CHST8: variants seen among roughly 807,000 people sequenced by gnomAD.
CHST8 encodes the protein GALNAC-4-ST1.
In CHST8, 10 loss-of-function variants were observed where a neutral mutation model predicts 15.0. That is an observed-to-expected ratio of 0.67 (90% CI 0.41 to 1.13). CHST8 has a LOEUF of 1.13. CHST8 is among the 50% of genes most tolerant of loss of function. The pLI is 0.00. For synonymous variants in CHST8, 259 were observed against 256.6 expected (o/e 1.01, Z -0.09); for missense variants, 634 against 608.2 (o/e 1.04, Z -0.45).
At chr19:33,702,696 G>A (rs930073335) in intron 3 of CHST8, among the ~76,000 whole-genome samples, 1 of 152,230 alleles carries the variant, frequency 6.6e-6, no homozygotes, top group African/African-American at 2.4e-5. Flanking sequence ...GGACCCCCGA[G>A]GGGGATGAAT....
intron 2 of CHST8, among the ~76,000 whole-genome samples, chr19:33,686,170 C>T (rs1222658582): frequency 6.6e-6 from 1 of 152,110 alleles, no homozygotes; most frequent in Non-Finnish European, 1.5e-5. Context: ...TTCGTGTTCT[C>T]TCGGGGGCCA....
intron 2 of CHST8, among the ~76,000 whole-genome samples, chr19:33,680,438 A>C (rs1050384077): frequency 6.6e-6 from 1 of 152,192 alleles, no homozygotes; most frequent in African/African-American, 2.4e-5. Flanking sequence ...ATCCTGGCTG[A>C]TGGCTTCAGA....
chr19:33,648,423 T>C (rs1972382828), intron 1 of CHST8, among the ~76,000 whole-genome samples: 3 of 152,272 alleles, frequency 2.0e-5, no homozygotes, highest in East Asian at 1.9e-4. Flanking sequence ...CAAACACTAA[T>C]CTGTTTTCTG....
At chr19:33,648,746 CTT>C in intron 1 of CHST8, among the ~76,000 whole-genome samples, 1 of 152,070 alleles carries the variant, frequency 6.6e-6, no homozygotes, top group East Asian at 1.9e-4. Flanking sequence ...TCCCCAAAGA[CTT>C]TGTACACGAA....
chr19:33,681,936 G>A (rs532070630), intron 2 of CHST8, among the ~76,000 whole-genome samples: 71 of 149,920 alleles, frequency 4.7e-4, no homozygotes, highest in Non-Finnish European at 3.3e-4. Flanking sequence ...TCATGACCTC[G>A]CCTCACTGCA....
chr19:33,650,856 G>A (rs1290216759), intron 1 of CHST8, among the ~76,000 whole-genome samples: 1 of 152,024 alleles, frequency 6.6e-6, no homozygotes, highest in Non-Finnish European at 1.5e-5. Context: ...CTACAGGCAT[G>A]TGCCACCATG....
chr19:33,637,680 G>T (rs1282431677), intron 1 of CHST8, among the ~76,000 whole-genome samples: 2 of 145,342 alleles, frequency 1.4e-5, no homozygotes, highest in Admixed American at 1.3e-4. Context: ...GGGATTACAG[G>T]CGTGAGCCAC....
chr19:33,758,922 C>CGGG (rs143978654), intron 3 of CHST8, among the ~76,000 whole-genome samples: 3 of 146,900 alleles, frequency 2.0e-5, no homozygotes, highest in African/African-American at 5.0e-5. Flanking sequence ...GGTTTCTTGG[C>CGGG]GGGGGGGGGC....
intron 1 of CHST8, among the ~76,000 whole-genome samples, chr19:33,623,310 C>T (rs746068953): frequency 7.2e-5 from 11 of 152,190 alleles, no homozygotes; most frequent in Non-Finnish European, 1.0e-4. Flanking sequence ...CTCCGGCGTC[C>T]CAGAGGACTC....
chr19:33,771,180 A>C (rs1974974822), intron 3 of CHST8, among the ~76,000 whole-genome samples: 1 of 152,158 alleles, frequency 6.6e-6, no homozygotes, highest in African/African-American at 2.4e-5. Context: ...GATGCAGAGA[A>C]GAGAGCCTCA....
intron 3 of CHST8, among the ~76,000 whole-genome samples, chr19:33,749,866 C>T (rs1442686659): frequency 6.6e-6 from 1 of 152,230 alleles, no homozygotes; most frequent in Non-Finnish European, 1.5e-5. Flanking sequence ...GCACCAAGCA[C>T]CCAGCTCATG....
intron 2 of CHST8, among the ~76,000 whole-genome samples, chr19:33,681,439 G>A (rs1220012891): frequency 6.6e-6 from 1 of 152,200 alleles, no homozygotes; most frequent in African/African-American, 2.4e-5. Context: ...CCAGGAACAG[G>A]GATAACTGTT....
chr19:33,691,907 A>G lies in CHST8; in HGVS notation c.130+2516A>G, dbSNP rs1973105559. On this transcript the variant is annotated intron_variant, in intron 3 of 4. Coordinates refer to ENST00000650847, the MANE Select transcript of CHST8 (RefSeq NM_001127895.2). Reference sequence around the variant, plus strand: ...ATGGCATGAACTGTCCTGGGGACGGAGTTCTCTGGGAGCTGCAGTTTGTGG... The same window carrying G: ...ATGGCATGAACTGTCCTGGGGACGGGGTTCTCTGGGAGCTGCAGTTTGTGG... Among the ~76,000 whole-genome samples, 4 of 152,318 alleles carry G rather than the reference A, an allele frequency of 2.6e-5. No homozygotes were observed. In the East Asian group the frequency reaches 7.7e-4, roughly 29 times the overall value.
At chr19:33,631,169 G>A (rs1303220564) in intron 1 of CHST8, among the ~76,000 whole-genome samples, 1 of 152,242 alleles carries the variant, frequency 6.6e-6, no homozygotes, top group African/African-American at 2.4e-5. Context: ...AGGTTGAGCT[G>A]GGGCAGCCAG....
intron 3 of CHST8, among the ~76,000 whole-genome samples, chr19:33,748,738 T>C (rs945251692): frequency 1.3e-5 from 2 of 152,184 alleles, no homozygotes; most frequent in Non-Finnish European, 2.9e-5. Flanking sequence ...AAACTGAGGC[T>C]GCAGGCAGGT....
intron 2 of CHST8, among the ~76,000 whole-genome samples, chr19:33,679,661 A>G (rs1055504460): frequency 6.6e-5 from 10 of 152,226 alleles, no homozygotes; most frequent in African/African-American, 1.7e-4. Flanking sequence ...TTGGAAAAGC[A>G]TGGCTGGGGT....
chr19:33,687,087 C>G (rs1276838757), intron 2 of CHST8, among the ~76,000 whole-genome samples: 3 of 152,224 alleles, frequency 2.0e-5, no homozygotes, highest in Non-Finnish European at 2.9e-5. Flanking sequence ...CTGGAGAGAA[C>G]AGCTTTGCCT....
intron 4 of CHST8, 57 bp downstream of exon 4, chr19:33,771,507 G>A: frequency 6.4e-7 from 1 of 1,550,770 alleles, no homozygotes; most frequent in Non-Finnish European, 8.9e-7. Flanking sequence ...AAACTGGGGA[G>A]GGCTGGGAAG....
intron 1 of CHST8, among the ~76,000 whole-genome samples, chr19:33,626,661 G>A (rs567747710): frequency 6.6e-6 from 1 of 152,190 alleles, no homozygotes; most frequent in South Asian, 2.1e-4. Flanking sequence ...GGCACACACC[G>A]GCTCCTCTTC....
Sources: gnomAD v4.1 joint callset for allele counts (sites outside exome capture counted in the v4.1 genomes callset) on GRCh38, gnomAD v4.1.1 for gene constraint, MANE v1.5 for transcripts, NCBI Gene and HGNC (gene_info 2026-07-23, HGNC 2026-07-21) for gene names.